ROBO2: variants seen among roughly 807,000 people sequenced by gnomAD.
The protein encoded by ROBO2 is roundabout guidance receptor 2.
In ROBO2, 53 loss-of-function variants were observed where a neutral mutation model predicts 160.8. The ratio of observed to expected loss-of-function variants is 0.33; its 90% CI spans 0.26 to 0.41. The LOEUF is 0.41. Among genes scored for constraint, ROBO2 ranks in the 10% least tolerant of loss-of-function variants. ROBO2 has a pLI of 1.00. For missense variants in ROBO2, 1,577 were observed against 1,722.4 expected, an observed-to-expected ratio of 0.92 and a Z score of 1.49; for synonymous variants, 664 against 611.7, an observed-to-expected ratio of 1.09 and a Z score of -1.26.
At chr3:77,081,775 G>A (rs772827368) in intron 1 of ROBO2, among the ~76,000 whole-genome samples, 1 of 152,182 alleles carries the variant, frequency 6.6e-6, no homozygotes, top group African/African-American at 2.4e-5. Flanking sequence ...TATAAATGGA[G>A]ATGTAGACAC....
intron 2 of ROBO2, among the ~76,000 whole-genome samples, chr3:76,914,457 TG>T (rs978900139): frequency 8.6e-5 from 13 of 152,036 alleles, no homozygotes; most frequent in African/African-American, 1.7e-4. Context: ...TTTTGCACAT[TG>T]TTTTTTTTTT....
At chr3:76,929,186 G>A (rs1322930265) in intron 2 of ROBO2, among the ~76,000 whole-genome samples, 1 of 152,158 alleles carries the variant, frequency 6.6e-6, no homozygotes, top group Non-Finnish European at 1.5e-5. Context: ...CTTGAACCTG[G>A]GAGGCAGAGT....
intron 2 of ROBO2, among the ~76,000 whole-genome samples, chr3:77,208,331 C>T (rs1489656435): frequency 1.3e-5 from 2 of 152,022 alleles, no homozygotes; most frequent in African/African-American, 2.4e-5. Context: ...TTCATGTTAG[C>T]GCAATTGATT....
chr3:76,969,027 T>C (rs925818383), intron 2 of ROBO2, among the ~76,000 whole-genome samples: 9 of 152,178 alleles, frequency 5.9e-5, no homozygotes, highest in African/African-American at 2.2e-4. Flanking sequence ...TGTGTCTTGA[T>C]ACTACTGCAC....
At chr3:77,182,701 C>T (rs1460763888) in intron 2 of ROBO2, among the ~76,000 whole-genome samples, 1 of 151,954 alleles carries the variant, frequency 6.6e-6, no homozygotes, top group African/African-American at 2.4e-5. Flanking sequence ...TAGCTTTATC[C>T]CTGAAACTGC....
At chr3:76,172,970 C>A (rs1455854197) in intron 2 of ROBO2, among the ~76,000 whole-genome samples, 3 of 151,760 alleles carry the variant, frequency 2.0e-5, no homozygotes, top group Non-Finnish European at 4.4e-5. Flanking sequence ...GATGACTGGA[C>A]CTCAGTAAAA....
intron 2 of ROBO2, among the ~76,000 whole-genome samples, chr3:76,072,935 A>G (rs2068511230): frequency 6.6e-6 from 1 of 152,166 alleles, no homozygotes; most frequent in South Asian, 2.1e-4. Context: ...AATAGAAAGT[A>G]CCTCCCAGGA....
intron 2 of ROBO2, among the ~76,000 whole-genome samples, chr3:76,236,855 T>G (rs992867609): frequency 1.3e-5 from 2 of 152,098 alleles, no homozygotes; most frequent in African/African-American, 4.8e-5. Context: ...AGGAAAAATA[T>G]AACCCTAAGG....
intron 2 of ROBO2, among the ~76,000 whole-genome samples, chr3:76,573,043 G>C (rs948384060): frequency 6.6e-6 from 1 of 152,080 alleles, no homozygotes; most frequent in African/African-American, 2.4e-5. Context: ...TTTTTGTTGG[G>C]CTCATTTTTT....
intron 2 of ROBO2, among the ~76,000 whole-genome samples, chr3:76,337,035 A>AATTGTGTCC (rs1376014622): frequency 6.6e-6 from 1 of 152,170 alleles, no homozygotes; most frequent in Non-Finnish European, 1.5e-5. Context: ...AAAAAGATAA[A>AATTGTGTCC]ATTGTGTCCA....
At chr3:77,256,116 T>C (rs1042207394) in intron 2 of ROBO2, among the ~76,000 whole-genome samples, 2 of 152,342 alleles carry the variant, frequency 1.3e-5, no homozygotes, top group Admixed American at 6.5e-5. Flanking sequence ...CAGAATTTTG[T>C]CTGCAGGTTA....
intron 2 of ROBO2, among the ~76,000 whole-genome samples, chr3:77,199,405 G>T (rs1458496291): frequency 6.6e-6 from 1 of 152,164 alleles, no homozygotes; most frequent in African/African-American, 2.4e-5. Context: ...TCAGCCACCA[G>T]TCTTTAAATG....
chr3:77,008,944 A>C (rs145834330), intron 2 of ROBO2, among the ~76,000 whole-genome samples: 1 of 152,268 alleles, frequency 6.6e-6, no homozygotes, highest in Non-Finnish European at 1.5e-5. Context: ...AAATGTATAG[A>C]CTATTGTTTA....
At chr3:77,306,919 A>G (rs1197312444) in intron 2 of ROBO2, among the ~76,000 whole-genome samples, 1 of 152,240 alleles carries the variant, frequency 6.6e-6, no homozygotes, top group African/African-American at 2.4e-5. Flanking sequence ...ATTGTTTACA[A>G]AAGGCACTCT....
intron 2 of ROBO2, among the ~76,000 whole-genome samples, chr3:76,051,358 G>A (rs2067647695): frequency 6.6e-6 from 1 of 152,122 alleles, no homozygotes; most frequent in Non-Finnish European, 1.5e-5. Context: ...GAAATACTTT[G>A]AACTAATCAA....
chr3:76,181,493 G>T (rs1701500905), intron 2 of ROBO2, among the ~76,000 whole-genome samples: 1 of 152,048 alleles, frequency 6.6e-6, no homozygotes, highest in Non-Finnish European at 1.5e-5. Context: ...TGACTTCCAT[G>T]CTTTAAAATG....
chr3:76,287,621 A>G (rs532505664), intron 2 of ROBO2, among the ~76,000 whole-genome samples: 2 of 152,188 alleles, frequency 1.3e-5, no homozygotes, highest in South Asian at 2.1e-4. Flanking sequence ...TGATTATTCT[A>G]TTTTTGGTGT....
intron 2 of ROBO2, among the ~76,000 whole-genome samples, chr3:76,461,567 T>C (rs1161280506): frequency 6.6e-6 from 1 of 152,190 alleles, no homozygotes; most frequent in Non-Finnish European, 1.5e-5. Context: ...CAAGAAAATA[T>C]CTTTATGACT....
intron 2 of ROBO2, among the ~76,000 whole-genome samples, chr3:76,540,487 G>A (rs1156356469): frequency 6.6e-6 from 1 of 152,096 alleles, no homozygotes; most frequent in East Asian, 1.9e-4. Flanking sequence ...TGCTTCCATT[G>A]CAGAAATACT....
Sources: allele counts gnomAD v4.1 joint callset (sites outside exome capture counted in the v4.1 genomes callset), GRCh38; gene constraint gnomAD v4.1.1; transcripts MANE v1.5; gene names NCBI Gene and HGNC (gene_info 2026-07-23, HGNC 2026-07-21).